SLC2A14: variants seen among roughly 807,000 people sequenced by gnomAD.
SLC2A14 encodes solute carrier family 2, facilitated glucose transporter member 14.
SLC2A14 carries 13 observed loss-of-function variants against 43.0 expected under a neutral mutation model. The observed-to-expected ratio is 0.30, with a 90% CI of 0.20 to 0.48. The LOEUF (loss-of-function observed/expected upper bound fraction) is 0.48, where lower values mean the gene tolerates loss of function less well. SLC2A14 is among the 20% of genes least tolerant of loss of function. The probability of loss-of-function intolerance (pLI) is 0.99; values close to 1 mark genes in which losing one functional copy is unlikely to be tolerated. For missense variants in SLC2A14, 428 were observed against 620.4 expected (o/e 0.69, Z 3.29); for synonymous variants, 190 against 233.8 (o/e 0.81, Z 1.71).
chr12:7,847,175 C>G (rs1866540546), intron 2 of SLC2A14, among the ~76,000 whole-genome samples: 1 of 151,858 alleles, frequency 6.6e-6, no homozygotes, highest in Non-Finnish European at 1.5e-5. Flanking sequence ...TCACTTGAAC[C>G]TGGGAGGCAG....
chr12:7,821,149 T>G, intron 8 of SLC2A14, 72 bp downstream of exon 8: 2 of 1,153,526 alleles, frequency 1.7e-6, no homozygotes, highest in Non-Finnish European at 2.6e-6. Context: ...GGTGGAGCCA[T>G]GCAATCCATC....
chr12:7,833,423 C>A (rs1865194226), intron 2 of SLC2A14, among the ~76,000 whole-genome samples: 1 of 152,294 alleles, frequency 6.6e-6, no homozygotes, highest in South Asian at 2.1e-4. Context: ...CCTAACCTAA[C>A]CCCCGGGTGG....
intron 1 of SLC2A14, among the ~76,000 whole-genome samples, chr12:7,889,696 C>G (rs1337411608): frequency 6.6e-6 from 1 of 151,690 alleles, no homozygotes; most frequent in South Asian, 2.1e-4. Flanking sequence ...CCACCACGCC[C>G]GGCTAATTTT....
upstream of SLC2A14, chr12:7,873,361 G>A: frequency 4.1e-6 from 4 of 985,366 alleles, no homozygotes; most frequent in Non-Finnish European, 4.8e-6. Context: ...GTTATTTCGG[G>A]CCGCGCACGG....
intron 2 of SLC2A14, among the ~76,000 whole-genome samples, chr12:7,867,306 AAAAC>A: frequency 7.7e-6 from 1 of 129,950 alleles, no homozygotes; most frequent in Non-Finnish European, 1.6e-5. Context: ...AAAAACAAAA[AAAAC>A]ATTCGTGATT....
upstream of SLC2A14, among the ~76,000 whole-genome samples, chr12:7,877,489 G>A (rs1252144003): frequency 3.3e-5 from 5 of 151,702 alleles, no homozygotes; most frequent in Admixed American, 6.6e-5. Flanking sequence ...GCAATGGTGA[G>A]ATCTTGGCTT....
In SLC2A14 at chr12:7,814,516, C is replaced by T. The variant is rs549062163; in HGVS notation, c.1294G>A (p.Val432Ile). Residue 432 changes from valine to isoleucine, a missense_variant, in exon 11 of 11, where the codon GTT becomes ATT. Transcript: ENST00000431042. The stretch of plus-strand genomic sequence containing the variant: ...AGGAAGCCGGTGAAGATAATAAAAA[C>T]GTAGGCTCCTAAATAGTACTAGTGA... ...PSAAYYLGAY[V>I]FIIFTGFLIT... 2.0e-5 allele frequency: 33 copies of T among 1,613,544 alleles called. No individual in the cohort carries two copies. Among genetic ancestry groups the T allele is most frequent in the African/African-American group, 5.3e-5 (4 of 74,814 alleles).
Position 7,827,651 on chromosome 12 carries a change from T to C in SLC2A14, c.708A>G (p.Val236=). The change falls in exon 7 of 11, where the codon GTA becomes GTG. Residue 236 remains valine, a synonymous_variant. Coordinates refer to ENST00000431042, the MANE Select transcript of SLC2A14 (RefSeq NM_001286234.2). ...CTTTCATCTCCTGGATGTCTTGGGATACATCCTGGGTGCCCCACAACCGCT... is the reference window on the plus strand; with the variant it reads ...CTTTCATCTCCTGGATGTCTTGGGACACATCCTGGGTGCCCCACAACCGCT... ...ILQRLWGTQD[V]SQDIQEMKDE... 1 of 1,612,758 alleles carries C rather than the reference T, an allele frequency of 6.2e-7. No homozygotes were observed. The highest frequency in any genetic ancestry group is 8.5e-7 in the Non-Finnish European group (1 of 1,179,718).
At chr12:7,881,401 G>A (rs892017117) in intron 1 of SLC2A14, among the ~76,000 whole-genome samples, 12 of 151,914 alleles carry the variant, frequency 7.9e-5, no homozygotes, top group Admixed American at 3.9e-4. Flanking sequence ...TGGTGGCCCC[G>A]GGCAATGAGG....
chr12:7,837,603 A>C (rs1345306344), intron 2 of SLC2A14, among the ~76,000 whole-genome samples: 1 of 118,288 alleles, frequency 8.5e-6, no homozygotes, highest in African/African-American at 3.1e-5. Flanking sequence ...GCACCATTGC[A>C]CTCCAACTTG....
At chr12:7,868,045 T>C (rs1945022567) in intron 2 of SLC2A14, among the ~76,000 whole-genome samples, 1 of 152,150 alleles carries the variant, frequency 6.6e-6, no homozygotes, top group Admixed American at 6.6e-5. Context: ...CAGCATCACA[T>C]GCTACAGAGA....
exon 1 of SLC2A14, chr12:7,891,076 C>T (rs915735322): frequency 3.6e-5 from 55 of 1,535,040 alleles, no homozygotes; most frequent in Non-Finnish European, 4.7e-5. Flanking sequence ...ATTTCATCTC[C>T]TTGTTTCACA....
upstream of SLC2A14, among the ~76,000 whole-genome samples, chr12:7,875,051 ATATAAAT>A (rs1945428917): frequency 8.5e-6 from 1 of 117,130 alleles, no homozygotes; most frequent in African/African-American, 3.5e-5. Flanking sequence ...ATATATTTAT[ATATAAAT>A]TATATATTAA....
At chr12:7,856,860 CAG>C (rs1355730938) in intron 2 of SLC2A14, among the ~76,000 whole-genome samples, 1 of 148,098 alleles carries the variant, frequency 6.8e-6, no homozygotes, top group Non-Finnish European at 1.5e-5. Flanking sequence ...TTTTTTGAGA[CAG>C]AGTCTCGCCC....
In SLC2A14 at chr12:7,884,041, A is replaced by G. The variant is rs1592335282; in HGVS notation, c.132+6955T>C. Among the ~76,000 whole-genome samples, 3 of 152,028 alleles carry G rather than the reference A, an allele frequency of 2.0e-5. No individual in the cohort carries two copies. The East Asian group carries it at 5.8e-4, about 29-fold the overall frequency. The stretch of plus-strand genomic sequence containing the variant: ...CGGGTTCACGCCATTCTCCTGCCTC[A>G]GCCTCCCAAGTAGCTGGGACTACAG... On this transcript the variant is annotated intron_variant, in intron 1 of 9. Transcript: ENST00000539924.
intron 1 of SLC2A14, among the ~76,000 whole-genome samples, chr12:7,889,233 C>CTTTTTT (rs142327842): frequency 2.3e-5 from 3 of 132,356 alleles, no homozygotes; most frequent in East Asian, 2.2e-4. Flanking sequence ...GCTGGTTGCC[C>CTTTTTT]TTTTTTTTTT....
intron 3 of SLC2A14, 77 bp from the exon 4 acceptor site, chr12:7,831,841 GC>G (rs1865057068): frequency 6.4e-7 from 1 of 1,567,650 alleles, no homozygotes; most frequent in African/African-American, 1.4e-5. Flanking sequence ...GGGTGCAGTG[GC>G]TCACGCCTGT....
intron 1 of SLC2A14, among the ~76,000 whole-genome samples, chr12:7,884,245 A>T (rs1308679576): frequency 1.3e-5 from 2 of 152,070 alleles, no homozygotes; most frequent in Non-Finnish European, 2.9e-5. Context: ...ACATCACACT[A>T]TGTGCTATAA....
At chr12:7,821,371 A>G (rs746735592) in intron 7 of SLC2A14, 46 bp from the exon 8 acceptor site, 8 of 1,504,712 alleles carry the variant, frequency 5.3e-6, no homozygotes, top group Non-Finnish European at 7.4e-6. Flanking sequence ...TCTGCACACC[A>G]CTTACACAGA....
Sources: gnomAD v4.1 joint callset for allele counts (sites outside exome capture counted in the v4.1 genomes callset) on GRCh38, gnomAD v4.1.1 for gene constraint, MANE v1.5 for transcripts, NCBI Gene and HGNC (gene_info 2026-07-23, HGNC 2026-07-21) for gene names.